Variants in IGF1 observed in about 807,000 individuals in gnomAD.
The protein encoded by IGF1 is insulin-like growth factor 1.
IGF1 carries 4 observed loss-of-function variants against 13.8 expected under a neutral mutation model. The ratio of observed to expected loss-of-function variants is 0.29; its 90% CI spans 0.14 to 0.66. The LOEUF is 0.66. Among genes scored for constraint, IGF1 ranks in the 30% least tolerant of loss-of-function variants. The pLI, the probability that IGF1 is intolerant of heterozygous loss-of-function variation, is 0.78. For missense variants in IGF1, 124 were observed against 188.5 expected, an observed-to-expected ratio of 0.66 and a Z score of 2.00; for synonymous variants, 76 against 72.6, an observed-to-expected ratio of 1.05 and a Z score of -0.23.
At chr12:102,454,212 C>T (rs945775729) in intron 2 of IGF1, among the ~76,000 whole-genome samples, 1 of 152,174 alleles carries the variant, frequency 6.6e-6, no homozygotes, top group South Asian at 2.1e-4. Context: ...CAAGGCCTAC[C>T]TTAAACACAT....
chr12:102,480,632 G>A, upstream of IGF1: 2 of 1,344,764 alleles, frequency 1.5e-6, no homozygotes, highest in Non-Finnish European at 1.9e-6. Flanking sequence ...ACAGCTGGGG[G>A]AACATTTGCC....
At chr12:102,446,075 G>T (rs1448805423) in intron 2 of IGF1, among the ~76,000 whole-genome samples, 4 of 151,656 alleles carry the variant, frequency 2.6e-5, no homozygotes, top group Non-Finnish European at 5.9e-5. Flanking sequence ...GCATCCCAGG[G>T]ATGATCGTCG....
intron 2 of IGF1, among the ~76,000 whole-genome samples, chr12:102,427,796 C>A (rs552134852): frequency 6.6e-6 from 1 of 152,172 alleles, no homozygotes; most frequent in Admixed American, 6.5e-5. Flanking sequence ...AAGGGAGCAG[C>A]CAGAGTCAGC....
intron 2 of IGF1, among the ~76,000 whole-genome samples, chr12:102,431,276 G>C (rs1050550314): frequency 6.6e-6 from 1 of 152,182 alleles, no homozygotes; most frequent in Non-Finnish European, 1.5e-5. Flanking sequence ...CAAACTTAGA[G>C]GATACTAATT....
chr12:102,470,923 ACAGT>A, intron 2 of IGF1, among the ~76,000 whole-genome samples: 1 of 152,342 alleles, frequency 6.6e-6, no homozygotes, highest in Admixed American at 6.5e-5. Context: ...ACTTGACCTC[ACAGT>A]CAGGAGAGTG....
At chr12:102,428,783 A>G (rs952678798) in intron 2 of IGF1, among the ~76,000 whole-genome samples, 79 of 152,172 alleles carry the variant, frequency 5.2e-4, no homozygotes, top group African/African-American at 1.8e-3. Flanking sequence ...ACATAGGCCA[A>G]TGTTTTCTTT....
intron 2 of IGF1, among the ~76,000 whole-genome samples, chr12:102,426,609 G>A (rs11829586): frequency 0.065 from 9,919 of 152,274 alleles, 655 homozygotes; most frequent in East Asian, 0.27. Flanking sequence ...GACACTATGA[G>A]AATGAATCTT....
intron 2 of IGF1, among the ~76,000 whole-genome samples, chr12:102,455,786 G>T (rs1210821026): frequency 6.6e-6 from 1 of 152,198 alleles, no homozygotes; most frequent in Non-Finnish European, 1.5e-5. Flanking sequence ...TCTCCTCCCA[G>T]GTTGAACCTG....
At chr12:102,445,611 G>C (rs1176568004) in intron 2 of IGF1, among the ~76,000 whole-genome samples, 2 of 152,200 alleles carry the variant, frequency 1.3e-5, no homozygotes, top group African/African-American at 4.8e-5. Context: ...TGCTGAAGTT[G>C]CTTATCAGCT....
intron 2 of IGF1, among the ~76,000 whole-genome samples, chr12:102,434,917 A>T (rs1461204865): frequency 6.6e-6 from 1 of 152,034 alleles, no homozygotes; most frequent in Non-Finnish European, 1.5e-5. Context: ...GCATTTTTTC[A>T]TGTATTTTTT....
intron 1 of IGF1, 82 bp from the exon 2 acceptor site, chr12:102,475,881 C>G: frequency 7.2e-7 from 1 of 1,379,462 alleles, no homozygotes; most frequent in Non-Finnish European, 1.0e-6. Context: ...TGCATTGACT[C>G]CCACGATTCC....
At chr12:102,472,317 C>T (rs1434545079) in intron 2 of IGF1, among the ~76,000 whole-genome samples, 2 of 152,042 alleles carry the variant, frequency 1.3e-5, no homozygotes, top group Non-Finnish European at 2.9e-5. Flanking sequence ...TGTAGTGGAA[C>T]TTGGGCTTGA....
At chr12:102,455,558 A>T (rs758312271) in intron 2 of IGF1, among the ~76,000 whole-genome samples, 5 of 152,166 alleles carry the variant, frequency 3.3e-5, no homozygotes, top group Non-Finnish European at 7.4e-5. Context: ...CAAGTGGGGG[A>T]GGAGTTCCAC....
intron 3 of IGF1, among the ~76,000 whole-genome samples, chr12:102,417,104 G>C (rs1411382040): frequency 6.6e-6 from 1 of 152,202 alleles, no homozygotes; most frequent in Non-Finnish European, 1.5e-5. Flanking sequence ...TCAACTCCCA[G>C]AACTATGAAA....
At chr12:102,448,812 G>A (rs1370239148) in intron 2 of IGF1, among the ~76,000 whole-genome samples, 1 of 151,716 alleles carries the variant, frequency 6.6e-6, no homozygotes, top group African/African-American at 2.4e-5. Context: ...CATCATCACT[G>A]GTCATTAGAG....
intron 2 of IGF1, among the ~76,000 whole-genome samples, chr12:102,473,359 C>G (rs1880805695): frequency 6.6e-6 from 1 of 152,202 alleles, no homozygotes; most frequent in Non-Finnish European, 1.5e-5. Context: ...ATTCATATCT[C>G]ATTCAATGCT....
intron 2 of IGF1, among the ~76,000 whole-genome samples, chr12:102,421,613 T>G (rs1325857932): frequency 1.3e-5 from 2 of 152,202 alleles, no homozygotes; most frequent in Non-Finnish European, 2.9e-5. Context: ...AAACTATAAA[T>G]TTCCTAATGG....
At chr12:102,458,769 A>G (rs1010424204) in intron 2 of IGF1, among the ~76,000 whole-genome samples, 6 of 144,600 alleles carry the variant, frequency 4.1e-5, no homozygotes, top group African/African-American at 1.5e-4. Context: ...GTGCTGTAAG[A>G]GTAATATTAT....
intron 2 of IGF1, among the ~76,000 whole-genome samples, chr12:102,450,152 C>T (rs978381509): frequency 6.6e-6 from 1 of 152,210 alleles, no homozygotes; most frequent in African/African-American, 2.4e-5. Context: ...TGCTTTCTTC[C>T]CAGGGTTTTT....
Sources: gnomAD v4.1 joint callset for allele counts (sites outside exome capture counted in the v4.1 genomes callset) on GRCh38, gnomAD v4.1.1 for gene constraint, MANE v1.5 for transcripts, NCBI Gene and HGNC (gene_info 2026-07-23, HGNC 2026-07-21) for gene names.